TJAP1: variants seen among roughly 807,000 people sequenced by gnomAD.
TJAP1 encodes tight junction associated protein 1.
In TJAP1, 27 loss-of-function variants were observed where a neutral mutation model predicts 42.0. The ratio of observed to expected loss-of-function variants is 0.64; its 90% CI spans 0.47 to 0.89. The LOEUF is 0.89. TJAP1 is among the 40% of genes least tolerant of loss of function. The pLI, the probability that TJAP1 is intolerant of heterozygous loss-of-function variation, is 0.00. For missense variants in TJAP1, 712 were observed against 726.9 expected, an observed-to-expected ratio of 0.98 and a Z score of 0.24; for synonymous variants, 257 against 288.4, an observed-to-expected ratio of 0.89 and a Z score of 1.10.
intron 2 of TJAP1, among the ~76,000 whole-genome samples, chr6:43,494,982 C>T (rs533004234): frequency 3.9e-5 from 6 of 152,348 alleles, no homozygotes; most frequent in African/African-American, 7.2e-5. Flanking sequence ...CCTTGGCTGC[C>T]GCTTGCTCAT....
exon 11 of TJAP1, chr6:43,506,336 A>G (rs1792361786): frequency 6.6e-6 from 1 of 152,592 alleles, no homozygotes; most frequent in African/African-American, 2.4e-5. Context: ...GGCCTGGCAC[A>G]GCTGGCCTTG....
chr6:43,491,799 A>G lies in TJAP1; in HGVS notation c.-121-6082A>G, dbSNP rs1787884585. On this transcript the variant is annotated intron_variant, in intron 2 of 10. Transcript: ENST00000372449. This position sits in a 1 kb window ranked among gnomAD's most constrained non-coding sequence, Gnocchi z 4.6. ...TTGAGCTTATAATGTATTATATATG[A>G]GTGTACTATGTACAAATAAACATTT... Among the ~76,000 whole-genome samples, 1 of 152,224 alleles carries G rather than the reference A, an allele frequency of 6.6e-6. No individual in the cohort carries two copies.
At chr6:43,487,703 G>C (rs1319857339) in intron 2 of TJAP1, among the ~76,000 whole-genome samples, 1 of 152,058 alleles carries the variant, frequency 6.6e-6, no homozygotes, top group African/African-American at 2.4e-5. Flanking sequence ...GGAACTGTTG[G>C]TTTCACCATA....
At chr6:43,487,675 T>G (rs1490766939) in intron 2 of TJAP1, among the ~76,000 whole-genome samples, 1 of 148,884 alleles carries the variant, frequency 6.7e-6, no homozygotes, top group African/African-American at 2.5e-5. Flanking sequence ...AGATGCAGGG[T>G]TTTTGTCTGT....
Position 43,491,300 on chromosome 6 carries a change from T to G in TJAP1, c.-121-6581T>G, listed in dbSNP as rs188431036. 3.8e-3 allele frequency among the ~76,000 whole-genome samples: 577 copies of G among 151,876 alleles called. No individual in the cohort carries two copies. The highest frequency in any genetic ancestry group is 5.6e-3 in the Non-Finnish European group (379 of 67,938). ...AGAAATATCTGTTTGTTTTTTTGGG[T>G]TTTTTTTGAGACAGAGTTTCGCTCT... On this transcript the variant is annotated intron_variant, in intron 2 of 10. Coordinates refer to ENST00000372449, the Ensembl canonical transcript of TJAP1. This position sits in a 1 kb window ranked among gnomAD's most constrained non-coding sequence, Gnocchi z 4.6.
chr6:43,502,782 G>T, intron 8 of TJAP1, 165 bp downstream of exon 8: 1 of 804,578 alleles, frequency 1.2e-6, no homozygotes, highest in Non-Finnish European at 2.1e-6. Context: ...TCCCAGGAGA[G>T]AGGTGGGGAG....
At chr6:43,499,051 A>G in exon 4 of TJAP1, 2 of 1,614,082 alleles carry the variant, frequency 1.2e-6, no homozygotes, top group Non-Finnish European at 1.7e-6. Flanking sequence ...GCACCACCAG[A>G]GCATCGGGAG....
chr6:43,482,391 G>A (rs1785507384), intron 2 of TJAP1, among the ~76,000 whole-genome samples: 1 of 152,046 alleles, frequency 6.6e-6, no homozygotes, highest in Non-Finnish European at 1.5e-5. Flanking sequence ...ACGACCTCTG[G>A]GTGAAGGAAC....
chr6:43,503,705 A>G, exon 10 of TJAP1: 1 of 1,614,050 alleles, frequency 6.2e-7, no homozygotes. Context: ...AAGTTTGCCG[A>G]TGTGAGTAGA....
At chr6:43,504,505 A>G in intron 10 of TJAP1, 1 of 547,018 alleles carries the variant, frequency 1.8e-6, no homozygotes, top group South Asian at 2.3e-5. Flanking sequence ...TAGAAGTTTG[A>G]GAACATGCTG....
rs1018018541 is a variant in TJAP1, at chr6:43,495,498, C to T, written c.-121-2383C>T. ...GCAGGAAGTGGTTGGTACACATCTC[C>T]CTCGCAGCCTGGTGTTGAGGAACAC... On this transcript the variant is annotated intron_variant, in intron 2 of 10. Coordinates refer to ENST00000372449, the Ensembl canonical transcript of TJAP1. The surrounding 1 kb of genome is among the most constrained non-coding windows in gnomAD (Gnocchi z 4.6). Among the ~76,000 whole-genome samples the T allele has an allele frequency of 7.2e-5, 11 of 152,182 alleles. No individual in the cohort carries two copies. The highest frequency in any genetic ancestry group is 2.4e-4 in the African/African-American group (10 of 41,432).
intron 2 of TJAP1, among the ~76,000 whole-genome samples, chr6:43,480,419 G>C (rs1785064709): frequency 6.6e-6 from 1 of 152,236 alleles, no homozygotes. Flanking sequence ...TATCTTTGCA[G>C]TTGAGTAATG....
chr6:43,483,304 T>A (rs1469296786), intron 2 of TJAP1, among the ~76,000 whole-genome samples: 1 of 152,154 alleles, frequency 6.6e-6, no homozygotes, highest in African/African-American at 2.4e-5. Flanking sequence ...GCTCCCAAAT[T>A]TCTCACTGCT....
intron 2 of TJAP1, among the ~76,000 whole-genome samples, chr6:43,488,061 G>A (rs1786956146): frequency 6.6e-6 from 1 of 152,040 alleles, no homozygotes; most frequent in Non-Finnish European, 1.5e-5. Context: ...AGTAGAGACG[G>A]GGGTTTCACC....
intron 2 of TJAP1, among the ~76,000 whole-genome samples, chr6:43,493,751 G>GT (rs1193469348): frequency 1.3e-5 from 2 of 152,134 alleles, no homozygotes; most frequent in Non-Finnish European, 2.9e-5. Context: ...GCTGGGAACG[G>GT]TAAGATAGTA....
At chr6:43,501,103 G>A in intron 5 of TJAP1, 1 of 424,956 alleles carries the variant, frequency 2.4e-6, no homozygotes, top group Non-Finnish European at 4.2e-6. Context: ...GAGGCCTCTG[G>A]AGAGGAGGGC....
chr6:43,504,884 G>A (rs1582139040), exon 11 of TJAP1: 1 of 1,614,216 alleles, frequency 6.2e-7, no homozygotes, highest in Non-Finnish European at 8.5e-7. Flanking sequence ...CATTGCCCGA[G>A]TGTTAGAGAA....
At chr6:43,500,845 A>G in intron 5 of TJAP1, 73 bp downstream of exon 5, 1 of 1,566,434 alleles carries the variant, frequency 6.4e-7, no homozygotes, top group Non-Finnish European at 8.8e-7. Flanking sequence ...GACTGTTGGT[A>G]CAGTTGGACT....
At chr6:43,499,964 C>T (rs1790144167) in intron 4 of TJAP1, among the ~76,000 whole-genome samples, 1 of 152,200 alleles carries the variant, frequency 6.6e-6, no homozygotes, top group Admixed American at 6.5e-5. Flanking sequence ...GAGGTGAAGG[C>T]TGTATAATCA....
Sources: gnomAD v4.1 joint callset for allele counts (sites outside exome capture counted in the v4.1 genomes callset) on GRCh38, gnomAD v4.1.1 for gene constraint, Gnocchi (gnomAD v3.1) non-coding constraint, MANE v1.5 for transcripts, NCBI Gene and HGNC (gene_info 2026-07-23, HGNC 2026-07-21) for gene names.